The following NRG1 variants were observed in gnomAD, a reference collection of about 807,000 sequenced individuals.
NRG1 encodes neuregulin 1.
NRG1 carries 18 observed loss-of-function variants against 63.8 expected under a neutral mutation model. That is an observed-to-expected ratio of 0.28 (90% CI 0.19 to 0.42). The LOEUF is 0.42. NRG1 is among the 10% of genes least tolerant of loss of function. The pLI, the probability that NRG1 is intolerant of heterozygous loss-of-function variation, is 1.00. For synonymous variants in NRG1, 302 were observed against 301.3 expected, an observed-to-expected ratio of 1.00 and a Z score of -0.02; for missense variants, 762 against 814.7, an observed-to-expected ratio of 0.94 and a Z score of 0.79.
chr8:32,764,414 A>T (rs372756384), exon 12 of NRG1: 2 of 1,527,450 alleles, frequency 1.3e-6, no homozygotes, highest in Non-Finnish European at 1.8e-6. Flanking sequence ...ACCTAAATAA[A>T]CACATAGATT....
intron 1 of NRG1, among the ~76,000 whole-genome samples, chr8:32,132,927 C>T (rs566123780): frequency 3.8e-4 from 58 of 152,102 alleles, no homozygotes; most frequent in Non-Finnish European, 7.8e-4. Flanking sequence ...GAAATAGACA[C>T]TTTTGGGGAA....
At chr8:32,568,649 C>T (rs546112766) in intron 1 of NRG1, among the ~76,000 whole-genome samples, 5 of 152,080 alleles carry the variant, frequency 3.3e-5, no homozygotes, top group African/African-American at 4.8e-5. Context: ...GGATAGGGCC[C>T]GGCATCCTGT....
At chr8:32,683,520 C>T (rs561632537) in intron 5 of NRG1, among the ~76,000 whole-genome samples, 2 of 152,170 alleles carry the variant, frequency 1.3e-5, no homozygotes, top group South Asian at 2.1e-4. Flanking sequence ...AAATAGGATC[C>T]CATTTGTTCA....
intron 5 of NRG1, among the ~76,000 whole-genome samples, chr8:32,620,209 G>A (rs927057268): frequency 1.3e-5 from 2 of 152,164 alleles, no homozygotes; most frequent in East Asian, 1.9e-4. Flanking sequence ...CTTTATTTTA[G>A]CCAGCAAGGA....
At chr8:31,929,121 G>C (rs1308180736) in intron 1 of NRG1, among the ~76,000 whole-genome samples, 3 of 152,150 alleles carry the variant, frequency 2.0e-5, no homozygotes, top group Non-Finnish European at 4.4e-5. Flanking sequence ...GAGAACTGAG[G>C]TCCTTGGAAA....
At chr8:32,091,686 A>G (rs1451399470) in intron 1 of NRG1, among the ~76,000 whole-genome samples, 1 of 152,116 alleles carries the variant, frequency 6.6e-6, no homozygotes, top group Non-Finnish European at 1.5e-5. Context: ...ATTGGAGAGG[A>G]TTGACCAACT....
At chr8:32,520,412 G>A (rs1830230938) in intron 1 of NRG1, among the ~76,000 whole-genome samples, 1 of 151,900 alleles carries the variant, frequency 6.6e-6, no homozygotes. Context: ...ACCCGCCTCG[G>A]CTTCTCAAAG....
chr8:31,999,618 C>G (rs1002122261), intron 1 of NRG1, among the ~76,000 whole-genome samples: 2 of 151,966 alleles, frequency 1.3e-5, no homozygotes, highest in Non-Finnish European at 2.9e-5. Flanking sequence ...GTAATTTCTT[C>G]AAAGAAATCT....
At chr8:32,457,985 T>C (rs941019563) in intron 1 of NRG1, among the ~76,000 whole-genome samples, 1 of 152,024 alleles carries the variant, frequency 6.6e-6, no homozygotes, top group African/African-American at 2.4e-5. Flanking sequence ...TGGTGCGATC[T>C]CGGCTCCCTG....
intron 1 of NRG1, among the ~76,000 whole-genome samples, chr8:32,171,828 T>C (rs2132014423): frequency 6.6e-6 from 1 of 151,836 alleles, no homozygotes; most frequent in African/African-American, 2.4e-5. Flanking sequence ...AAGGCCTGAG[T>C]AGGTAAACAA....
chr8:32,755,401 C>G (rs192377505), intron 8 of NRG1, among the ~76,000 whole-genome samples: 25 of 152,100 alleles, frequency 1.6e-4, no homozygotes, highest in Admixed American at 8.5e-4. Context: ...AAATAATATG[C>G]TTTTATGCCA....
chr8:31,893,451 T>C (rs979964826), intron 1 of NRG1, among the ~76,000 whole-genome samples: 1 of 151,516 alleles, frequency 6.6e-6, no homozygotes, highest in African/African-American at 2.4e-5. Context: ...ATTAGTATAT[T>C]TGCTATATAA....
At chr8:32,622,421 T>G (rs1848496832) in intron 5 of NRG1, among the ~76,000 whole-genome samples, 1 of 152,176 alleles carries the variant, frequency 6.6e-6, no homozygotes, top group African/African-American at 2.4e-5. Context: ...TTTTCTTCTT[T>G]TGACAGGGTT....
intron 1 of NRG1, among the ~76,000 whole-genome samples, chr8:32,123,067 G>A (rs949186340): frequency 2.0e-5 from 3 of 151,912 alleles, no homozygotes. Flanking sequence ...GCTGTTTATG[G>A]TATTGAAGTC....
At chr8:32,619,406 G>A (rs972553849) in intron 5 of NRG1, among the ~76,000 whole-genome samples, 8 of 152,224 alleles carry the variant, frequency 5.3e-5, no homozygotes, top group African/African-American at 1.9e-4. Context: ...CAGACCCTGG[G>A]GTCTGAGCAT....
chr8:32,551,485 T>A (rs935536095), intron 1 of NRG1, among the ~76,000 whole-genome samples: 1 of 152,182 alleles, frequency 6.6e-6, no homozygotes, highest in Admixed American at 6.5e-5. Context: ...GTGTGCTATA[T>A]TGTACGCATA....
At chr8:32,614,326 G>A (rs1347261758) in intron 3 of NRG1, 188 bp from the exon 4 acceptor site, 2 of 481,144 alleles carry the variant, frequency 4.2e-6, no homozygotes, top group Admixed American at 3.3e-5. Context: ...GCATAAGAAA[G>A]GAGAACTATC....
intron 1 of NRG1, among the ~76,000 whole-genome samples, chr8:32,480,964 G>GTATA (rs1181034562): frequency 6.6e-6 from 1 of 152,124 alleles, no homozygotes; most frequent in African/African-American, 2.4e-5. Context: ...AACCATGTCA[G>GTATA]TATACATACA....
intron 1 of NRG1, among the ~76,000 whole-genome samples, chr8:32,179,402 C>G (rs957741417): frequency 1.3e-4 from 20 of 152,108 alleles, no homozygotes; most frequent in African/African-American, 4.8e-4. Flanking sequence ...AGGGAGACAT[C>G]TCCCAGGAAA....
Sources: allele counts gnomAD v4.1 joint callset (sites outside exome capture counted in the v4.1 genomes callset), GRCh38; gene constraint gnomAD v4.1.1; transcripts MANE v1.5; gene names NCBI Gene and HGNC (gene_info 2026-07-23, HGNC 2026-07-21).